MUC15: variants seen among roughly 807,000 people sequenced by gnomAD.
MUC15 encodes the protein mucin 15, cell surface associated.
Under a neutral mutation model 24.0 loss-of-function variants are expected in MUC15, and 23 were observed. That is an observed-to-expected ratio of 0.96 (90% confidence interval 0.69 to 1.36). The LOEUF (loss-of-function observed/expected upper bound fraction) is 1.36. Among genes scored for constraint, MUC15 ranks in the 40% most tolerant of loss-of-function variants. The probability of loss-of-function intolerance (pLI) is 0.00; values close to 1 mark genes in which losing one functional copy is unlikely to be tolerated. For missense variants in MUC15, 442 were observed against 428.2 expected, an observed-to-expected ratio of 1.03 and a Z score of -0.29; for synonymous variants, 151 against 156.3, an observed-to-expected ratio of 0.97 and a Z score of 0.25.
At chr11:26,564,785 A>ATATATATATAT (rs1850498223) in intron 3 of MUC15, among the ~76,000 whole-genome samples, 3 of 95,484 alleles carry the variant, frequency 3.1e-5, no homozygotes, top group Non-Finnish European at 6.5e-5. Flanking sequence ...ATATATATAT[A>ATATATATATAT]AGTTCAGTTG....
chr11:26,570,801 A>G (rs891590987), intron 1 of MUC15, among the ~76,000 whole-genome samples: 3 of 152,040 alleles, frequency 2.0e-5, no homozygotes, highest in Admixed American at 2.0e-4. Flanking sequence ...ACTTTTTCCA[A>G]TGTTGGACAG....
intron 3 of MUC15, among the ~76,000 whole-genome samples, chr11:26,564,058 T>A (rs998833630): frequency 6.6e-6 from 1 of 151,804 alleles, no homozygotes; most frequent in African/African-American, 2.4e-5. Flanking sequence ...TCTAAAAAAA[T>A]TAATTTTCAT....
intron 1 of MUC15, among the ~76,000 whole-genome samples, chr11:26,571,706 A>T (rs1850834297): frequency 6.6e-6 from 1 of 152,156 alleles, no homozygotes; most frequent in Admixed American, 6.6e-5. Context: ...AACATTTTGA[A>T]ACCTTTACTA....
intron 1 of MUC15, among the ~76,000 whole-genome samples, chr11:26,567,850 C>T (rs560050019): frequency 1.2e-4 from 19 of 152,014 alleles, no homozygotes; most frequent in African/African-American, 3.9e-4. Context: ...CTGTATGCAA[C>T]GACATGGATG....
At chr11:26,563,375 A>C in intron 3 of MUC15, 110 bp from the exon 4 acceptor site, 1 of 1,131,516 alleles carries the variant, frequency 8.8e-7, no homozygotes, top group Non-Finnish European at 1.2e-6. Flanking sequence ...TTAAAATTAG[A>C]TAATGGTGTG....
rs550974560 is a variant in MUC15 at position 26,565,499 on chromosome 11, C to A, written c.441G>T (p.Val147=). Residue 147 remains valine, a synonymous_variant, in exon 3 of 5, where the codon GTG becomes GTT. Transcript: ENST00000529533. ...CATCTGCTATAGGTGCATTCCAAGG[C>A]ACTTTAGAAACAAAGCTATGGATCA... is the stretch of plus-strand genomic sequence containing the variant. ...PPLIHSFVSK[V]PWNAPIADED... 6.2e-7 allele frequency: 1 copy of A among 1,613,290 alleles called. No homozygotes were observed. Among genetic ancestry groups the A allele is most frequent in the East Asian group, 2.2e-5 (1 of 44,844 alleles).
chr11:26,559,976 C>A lies in MUC15; in HGVS notation c.*1089G>T. ...TTAGGAATTTAACTCTTGATCTCAT[C>A]CTCTAATCTCTAAAACCTAGACTTT... On this transcript the variant is annotated 3_prime_UTR_variant, in exon 5 of 5. Transcript: ENST00000529533. The A allele has an allele frequency of 2.2e-6, 1 of 445,226 alleles. No individual in the cohort carries two copies. Among genetic ancestry groups the A allele is most frequent in the Non-Finnish European group, 4.0e-6 (1 of 249,398 alleles). 27.6% of individuals were successfully genotyped at this position (445,226 alleles called of 1,614,324 possible).
chr11:26,564,692 TACACACAC>T (rs370277580), intron 3 of MUC15, among the ~76,000 whole-genome samples: 3,820 of 41,062 alleles, frequency 0.093, 460 homozygotes, highest in Non-Finnish European at 0.12. Context: ...CTCATATATA[TACACACAC>T]ACACACACAC....
In MUC15 at chr11:26,563,392, T is replaced by C; in HGVS notation, c.776-127A>G. 1.1e-5 allele frequency: 10 copies of C among 873,854 alleles called. No homozygotes were observed. The South Asian group carries it at 2.1e-4, about 18-fold the overall frequency. 54.1% of individuals were successfully genotyped at this position (873,854 alleles called of 1,614,324 possible). On this transcript the variant is annotated intron_variant, in intron 3 of 4. Transcript: ENST00000529533. Reference sequence around the variant, plus strand: ...AAAATTAGATAATGGTGTGTTTCTCTCTCTGTGTGTGTGTGTGTGTGTGTG... The same window carrying C: ...AAAATTAGATAATGGTGTGTTTCTCCCTCTGTGTGTGTGTGTGTGTGTGTG...
chr11:26,561,674 C>A (rs1850299459), intron 4 of MUC15, among the ~76,000 whole-genome samples: 2 of 151,760 alleles, frequency 1.3e-5, no homozygotes, highest in Admixed American at 1.3e-4. Flanking sequence ...GATGGCTAAA[C>A]CATTTAAGGT....
chr11:26,569,319 A>C (rs951354404), intron 1 of MUC15, among the ~76,000 whole-genome samples: 1 of 152,170 alleles, frequency 6.6e-6, no homozygotes, highest in African/African-American at 2.4e-5. Flanking sequence ...GGGGTAGTTC[A>C]GTATGTTGTG....
chr11:26,561,765 A>G (rs1003087759), intron 4 of MUC15, among the ~76,000 whole-genome samples: 2 of 151,856 alleles, frequency 1.3e-5, no homozygotes, highest in African/African-American at 4.8e-5. Flanking sequence ...AGGTTTTCTG[A>G]TTGTTGATGT....
At chr11:26,561,290 C>A in intron 4 of MUC15, 65 bp from the exon 5 acceptor site, 1 of 1,232,494 alleles carries the variant, frequency 8.1e-7, no homozygotes, top group Non-Finnish European at 1.1e-6. Flanking sequence ...TTCAGGCATC[C>A]ACCAAGTTAT....
chr11:26,572,085 A>G lies in MUC15; in HGVS notation c.-90T>C, dbSNP rs1372137738. 1.0e-6 allele frequency: 1 copy of G among 985,364 alleles called. No homozygotes were observed. Among genetic ancestry groups the G allele is most frequent in the African/African-American group, 1.7e-5 (1 of 57,352 alleles). The allele number at this position is 985,364 out of a possible 1,614,324, so 61.0% of individuals were successfully genotyped here. On this transcript the variant is annotated 5_prime_UTR_variant, in exon 1 of 5. Transcript: ENST00000529533. ...TTACAATCAGGAACTGAAATATCAC[A>G]GTTGTCCTGTCTGAAAGGAATCTGT...
chr11:26,568,809 C>G (rs1850702453), intron 1 of MUC15, among the ~76,000 whole-genome samples: 1 of 151,894 alleles, frequency 6.6e-6, no homozygotes, highest in African/African-American at 2.4e-5. Flanking sequence ...TTATGTGTAC[C>G]TTTTCAGAAA....
At chr11:26,562,151 A>T (rs938544639) in intron 4 of MUC15, among the ~76,000 whole-genome samples, 1 of 151,954 alleles carries the variant, frequency 6.6e-6, no homozygotes, top group South Asian at 2.1e-4. Flanking sequence ...CAAGATTCAA[A>T]GGTTAAAAAA....
Position 26,560,936 on chromosome 11 carries a change from CCTG to C in MUC15, c.*126_*128del, listed in dbSNP as rs1206364768. ...CTGTCTACATTTCTGCTACTGGTCT[CCTG>C]CTTTTATGATTCTCCTTGACAAAAT... On this transcript the variant is annotated 3_prime_UTR_variant, in exon 5 of 5. Transcript: ENST00000529533. 2 of 909,456 alleles carry C rather than the reference CCTG, an allele frequency of 2.2e-6. No individual in the cohort carries two copies. Among genetic ancestry groups the C allele is most frequent in the African/African-American group, 3.5e-5 (2 of 56,874 alleles). The allele number at this position is 909,456 out of a possible 1,614,324, so 56.3% of individuals were successfully genotyped here.
chr11:26,563,847 G>A (rs1850402833), intron 3 of MUC15, among the ~76,000 whole-genome samples: 1 of 151,826 alleles, frequency 6.6e-6, no homozygotes, highest in Non-Finnish European at 1.5e-5. Context: ...GTCTAGGCCT[G>A]AGCTTACGGG....
At chr11:26,564,510 T>G (rs961413316) in intron 3 of MUC15, among the ~76,000 whole-genome samples, 3 of 150,604 alleles carry the variant, frequency 2.0e-5, no homozygotes, top group Non-Finnish European at 4.4e-5. Context: ...TTAGTTATTT[T>G]TTTTCATTTT....
Sources: allele counts gnomAD v4.1 joint callset (sites outside exome capture counted in the v4.1 genomes callset), GRCh38; gene constraint gnomAD v4.1.1; transcripts MANE v1.5; gene names NCBI Gene and HGNC (gene_info 2026-07-23, HGNC 2026-07-21).